Variants in TMEM132B observed in about 807,000 individuals in gnomAD.
The protein encoded by TMEM132B is transmembrane protein 132B.
TMEM132B carries 18 observed loss-of-function variants against 90.8 expected under a neutral mutation model. That is an observed-to-expected ratio of 0.20 (90% CI 0.14 to 0.29). The LOEUF is 0.29. Ranked by LOEUF, TMEM132B falls within the 10% of genes least tolerant of loss-of-function variation. The pLI is 1.00. For synonymous variants in TMEM132B, 504 were observed against 523.3 expected, an observed-to-expected ratio of 0.96 and a Z score of 0.50; for missense variants, 1,096 against 1,326.8, an observed-to-expected ratio of 0.83 and a Z score of 2.70.
In TMEM132B at chr12:125,492,930, C is replaced by T. The variant is rs1211549542; in HGVS notation, c.1107-26509C>T. Among the ~76,000 whole-genome samples the T allele has an allele frequency of 2.0e-5, 3 of 152,118 alleles. No individual in the cohort carries two copies. The highest frequency in any genetic ancestry group is 4.8e-5 in the African/African-American group (2 of 41,396). On this transcript the variant is annotated intron_variant, in intron 3 of 8. Coordinates refer to ENST00000682704, the MANE Select transcript of TMEM132B (RefSeq NM_001366854.1). The surrounding 1 kb of genome is among the most constrained non-coding windows in gnomAD (Gnocchi z 5.8). ...GTGAAGATAGATAACTATCTAAGGACGAATGGCAAAGAGCCTTGTGAATGA... is the reference window on the plus strand; with the variant it reads ...GTGAAGATAGATAACTATCTAAGGATGAATGGCAAAGAGCCTTGTGAATGA...
intron 5 of TMEM132B, chr12:125,622,709 C>T (rs2136973144): frequency 1.0e-6 from 1 of 972,938 alleles, no homozygotes. Context: ...TTGGGCCTTT[C>T]CAGAAACCTT....
intron 1 of TMEM132B, among the ~76,000 whole-genome samples, chr12:125,225,782 G>A (rs545638487): frequency 6.6e-6 from 1 of 152,086 alleles, no homozygotes; most frequent in South Asian, 2.1e-4. Context: ...CCATATATGC[G>A]CCAGGTCTGG....
chr12:125,433,882 T>C (rs1880619478), intron 3 of TMEM132B, among the ~76,000 whole-genome samples: 1 of 152,190 alleles, frequency 6.6e-6, no homozygotes, highest in Non-Finnish European at 1.5e-5. Flanking sequence ...TCTTTTCCTT[T>C]CGTATGTGTT....
chr12:125,374,219 G>A (rs1011340596), intron 2 of TMEM132B, among the ~76,000 whole-genome samples: 1 of 152,204 alleles, frequency 6.6e-6, no homozygotes, highest in South Asian at 2.1e-4. Context: ...GTTCCTTTGG[G>A]ATTGAAGCTA....
At chr12:125,543,594 G>T (rs1884011593) in intron 4 of TMEM132B, among the ~76,000 whole-genome samples, 1 of 152,130 alleles carries the variant, frequency 6.6e-6, no homozygotes, top group Non-Finnish European at 1.5e-5. Flanking sequence ...CTGCATATGG[G>T]TAGCCAGTTC....
Position 125,519,642 on chromosome 12 carries a change from T to A in TMEM132B, c.1293+17T>A. ...CTTGCCATGGTGAGGAATCTGGGGGTTTCAGAGGAAGTGTCACAAAGAAGT... is the reference window on the plus strand; with the variant it reads ...CTTGCCATGGTGAGGAATCTGGGGGATTCAGAGGAAGTGTCACAAAGAAGT... On this transcript the variant is annotated intron_variant, in intron 4 of 8. Coordinates refer to ENST00000682704, the MANE Select transcript of TMEM132B (RefSeq NM_001366854.1). 1 of 1,612,220 alleles carries A rather than the reference T, an allele frequency of 6.2e-7. No individual in the cohort carries two copies. The highest frequency in any genetic ancestry group is 8.5e-7 in the Non-Finnish European group (1 of 1,179,618).
Position 125,612,565 on chromosome 12 carries a change from A to T in TMEM132B, c.1437+28571A>T, listed in dbSNP as rs543685695. On this transcript the variant is annotated intron_variant, in intron 5 of 8. Transcript: ENST00000682704. The stretch of plus-strand genomic sequence containing the variant: ...ATGATGTTTTGAAGTATATATATAT[A>T]ATATATATAAAATATATATTATATA... 2.2e-3 allele frequency among the ~76,000 whole-genome samples: 319 copies of T among 146,106 alleles called. 1 individual carries two copies. The highest frequency in any genetic ancestry group is 7.0e-3 in the African/African-American group (284 of 40,374).
In TMEM132B at chr12:125,211,571, G is replaced by C. The variant is rs116837483; in HGVS notation, c.67+24705G>C. 7.1e-3 allele frequency among the ~76,000 whole-genome samples: 1,078 copies of C among 152,288 alleles called. 11 individuals carry two copies. The highest frequency in any genetic ancestry group is 0.025 in the African/African-American group (1,031 of 41,556). On this transcript the variant is annotated intron_variant, in intron 1 of 8. Transcript: ENST00000682704. ...ACAGTGGCCTGGAGGCTGAGTTCTGGTGGGAGGACTCAGTGAGGAGTAGGG... is the reference window on the plus strand; with the variant it reads ...ACAGTGGCCTGGAGGCTGAGTTCTGCTGGGAGGACTCAGTGAGGAGTAGGG...
chr12:125,394,899 G>A (rs1879127523), intron 2 of TMEM132B, among the ~76,000 whole-genome samples: 3 of 152,170 alleles, frequency 2.0e-5, no homozygotes, highest in Admixed American at 1.3e-4. Flanking sequence ...TGGGGAGGTT[G>A]GAAGGGGGAT....
chr12:125,202,767 T>C (rs528006462), intron 1 of TMEM132B, among the ~76,000 whole-genome samples: 2 of 152,318 alleles, frequency 1.3e-5, no homozygotes, highest in African/African-American at 4.8e-5. Flanking sequence ...CTAGAAGCTA[T>C]CTACCATTAT....
At chr12:125,589,680 A>G (rs1298390492) in intron 5 of TMEM132B, among the ~76,000 whole-genome samples, 1 of 152,066 alleles carries the variant, frequency 6.6e-6, no homozygotes, top group African/African-American at 2.4e-5. Flanking sequence ...TGGCAGGAGC[A>G]GGAGCAAGCA....
chr12:125,232,688 C>T (rs1290589805), intron 1 of TMEM132B, among the ~76,000 whole-genome samples: 1 of 152,194 alleles, frequency 6.6e-6, no homozygotes, highest in East Asian at 1.9e-4. Context: ...TTTTCTCTCT[C>T]ATAAATGTGT....
chr12:125,308,519 T>C (rs1170614917), intron 1 of TMEM132B, among the ~76,000 whole-genome samples: 1 of 152,206 alleles, frequency 6.6e-6, no homozygotes, highest in African/African-American at 2.4e-5. Context: ...ATTGCTGGGC[T>C]CAAGGGGTTA....
intron 5 of TMEM132B, chr12:125,586,137 A>G (rs1344040307): frequency 6.6e-6 from 1 of 152,210 alleles, no homozygotes; most frequent in Non-Finnish European, 1.5e-5. Flanking sequence ...GAGTCTGTGG[A>G]GTTGTCACAC....
intron 1 of TMEM132B, among the ~76,000 whole-genome samples, chr12:125,243,384 G>A (rs533991149): frequency 1.3e-5 from 2 of 149,888 alleles, no homozygotes; most frequent in African/African-American, 2.5e-5. Flanking sequence ...TTGGCTCACT[G>A]CAACCTCTGC....
intron 2 of TMEM132B, among the ~76,000 whole-genome samples, chr12:125,389,407 T>C (rs985655298): frequency 4.0e-5 from 6 of 149,976 alleles, no homozygotes; most frequent in African/African-American, 1.5e-4. Flanking sequence ...TCCCTTCCTT[T>C]CTTCTTCCAT....
intron 1 of TMEM132B, among the ~76,000 whole-genome samples, chr12:125,347,858 AAC>A (rs1187565128): frequency 2.6e-5 from 4 of 152,254 alleles, no homozygotes; most frequent in African/African-American, 9.6e-5. Context: ...CATGCTAAGA[AAC>A]ACACATACAT....
At chr12:125,615,847 A>G (rs1373993964) in intron 5 of TMEM132B, among the ~76,000 whole-genome samples, 2 of 152,218 alleles carry the variant, frequency 1.3e-5, no homozygotes, top group Admixed American at 6.5e-5. Flanking sequence ...TGAAAAATCA[A>G]CTGACAAAAG....
chr12:125,598,811 T>G (rs1266639058), intron 5 of TMEM132B, among the ~76,000 whole-genome samples: 2 of 152,072 alleles, frequency 1.3e-5, no homozygotes, highest in African/African-American at 4.8e-5. Context: ...GTGCTGAGGT[T>G]GAACTACCTC....
Sources: allele counts gnomAD v4.1 joint callset (sites outside exome capture counted in the v4.1 genomes callset), GRCh38; gene constraint gnomAD v4.1.1; non-coding constraint Gnocchi (gnomAD v3.1); transcripts MANE v1.5; gene names NCBI Gene and HGNC (gene_info 2026-07-23, HGNC 2026-07-21).